Variants in GALNT5 observed in about 807,000 individuals in gnomAD.
The protein encoded by GALNT5 is UDP-GalNAc:polypeptide N-acetylgalactosaminyltransferase 5.
GALNT5 carries 72 observed loss-of-function variants against 85.4 expected under a neutral mutation model. The observed-to-expected ratio is 0.84, with a 90% confidence interval of 0.70 to 1.03. GALNT5 has a LOEUF of 1.03. Among genes scored for constraint, GALNT5 ranks in the 50% least tolerant of loss-of-function variants. GALNT5 has a pLI of 0.00. For missense variants in GALNT5, 1,137 were observed against 1,135.5 expected (o/e 1.00, Z -0.02); for synonymous variants, 404 against 397.0 (o/e 1.02, Z -0.21).
intron 7 of GALNT5, among the ~76,000 whole-genome samples, chr2:157,301,875 A>G (rs1351635349): frequency 6.6e-6 from 1 of 152,224 alleles, no homozygotes; most frequent in East Asian, 1.9e-4. Context: ...CAAAGGGAAG[A>G]AGCTAAGCCA....
Position 157,296,407 on chromosome 2 carries a change from G to A in GALNT5, c.1891G>A (p.Asp631Asn), listed in dbSNP as rs370944719. 1.2e-6 allele frequency: 2 copies of A among 1,609,490 alleles called. No individual in the cohort carries two copies. Among genetic ancestry groups the A allele is most frequent in the African/African-American group, 2.7e-5 (2 of 74,818 alleles). The change falls in exon 5 of 10, where the codon GAT becomes AAT. Residue 631 changes from aspartate to asparagine, a missense_variant. Asp to Asn is a conservative substitution (Grantham distance 23, BLOSUM62 1). Coordinates refer to ENST00000259056, the MANE Select transcript of GALNT5 (RefSeq NM_014568.3). Reference sequence around the variant, plus strand: ...TTCCTGGATTAGTTACATGACAGTGGATAACTTTCAAAGAGGCATCTTTGT... The same window carrying A: ...TTCCTGGATTAGTTACATGACAGTGAATAACTTTCAAAGAGGCATCTTTGT... ...NDKDMSYMTV[D>N]NFQRGIFVWP...
rs1481928444 is a variant in GALNT5, at chr2:157,284,350, T to C, written c.1523T>C (p.Val508Ala). The C allele has an allele frequency of 6.2e-7, 1 of 1,613,616 alleles. No homozygotes were observed. The highest frequency in any genetic ancestry group is 1.7e-5 in the Admixed American group (1 of 60,018). Reference protein sequence around the residue: ...TSVIMCFVDEVWSTLLRSVHS... With the variant: ...TSVIMCFVDEAWSTLLRSVHS... ...GTCATCATGTGCTTTGTGGATGAAG[T>C]GTGGTCCACTCTCCTGAGATCTGTT... is the stretch of plus-strand genomic sequence containing the variant. Residue 508 changes from valine (V) to alanine (A), a missense_variant, in exon 2 of 10, where the codon GTG becomes GCG. By Grantham distance (64) the Val-to-Ala change is moderately conservative. Coordinates refer to ENST00000259056, the MANE Select transcript of GALNT5 (RefSeq NM_014568.3).
rs1558885656 is a variant in GALNT5 at position 157,257,788 on chromosome 2, C to T, written c.-295C>T. 5.1e-6 allele frequency: 2 copies of T among 388,822 alleles called. No individual in the cohort carries two copies. Among genetic ancestry groups the T allele is most frequent in the Non-Finnish European group, 9.5e-6 (2 of 211,286 alleles). The allele number at this position is 388,822 out of a possible 1,614,324, so 24.1% of individuals were successfully genotyped here. On this transcript the variant is annotated 5_prime_UTR_variant, in exon 1 of 10. Transcript: ENST00000259056. ...AAGACAAGTGATATGTTGAACTGTT[C>T]GGTGGCTGGAATCAACTGCTCCTGG... is the stretch of plus-strand genomic sequence containing the variant.
intron 1 of GALNT5, among the ~76,000 whole-genome samples, chr2:157,268,275 C>G (rs1180810147): frequency 1.3e-5 from 2 of 152,108 alleles, no homozygotes; most frequent in African/African-American, 2.4e-5. Flanking sequence ...ACATTCAAAT[C>G]AGGTTAGTGG....
Position 157,308,636 on chromosome 2 carries a change from G to A in GALNT5, c.2590G>A (p.Asp864Asn), listed in dbSNP as rs2105171252. The part of the protein sequence containing the change: ...CGEWCIAPIP[D>N]KGAVRLHPCD... ...AGAATGGTGTATAGCCCCCATCCCT[G>A]ATAAAGGAGCCGTAAGGCTGCACCC... The change falls in exon 9 of 10, where the codon GAT (aspartate) becomes AAT (asparagine). Residue 864 changes from aspartate (D) to asparagine (N), a missense_variant. By Grantham distance (23) the Asp-to-Asn change is conservative. Transcript: ENST00000259056. 1.2e-6 allele frequency: 2 copies of A among 1,613,684 alleles called. No individual in the cohort carries two copies. The highest frequency in any genetic ancestry group is 1.7e-6 in the Non-Finnish European group (2 of 1,179,618).
chr2:157,295,706 T>G lies in GALNT5; in HGVS notation c.1785T>G (p.Val595=), dbSNP rs372579887. ...TFLDSHVECN[V]GWLEPLLERV... ...TAGATTCTCATGTGGAATGTAACGT[T>G]GGTTGGTTGGAACCTCTTCTGGAAA... The change falls in exon 4 of 10, where the codon GTT becomes GTG. Residue 595 remains valine, a synonymous_variant. Transcript: ENST00000259056. 8.7e-6 allele frequency: 14 copies of G among 1,612,554 alleles called. No homozygotes were observed. The African/African-American group carries it at 1.6e-4, about 18-fold the overall frequency.
chr2:157,305,851 C>T, intron 8 of GALNT5, 22 bp downstream of exon 8: 1 of 1,328,762 alleles, frequency 7.5e-7, no homozygotes, highest in Non-Finnish European at 1.1e-6. Flanking sequence ...TGTTTTCTAT[C>T]TCATGGTAGC....
At position 157,258,326 on chromosome 2, in the gene GALNT5, G is replaced by C. The variant is rs781374233; in HGVS notation, c.244G>C (p.Gly82Arg). The change falls in exon 1 of 10, where the codon GGG (glycine) becomes CGG (arginine). Residue 82 changes from glycine to arginine, a missense_variant. By Grantham distance (125) the Gly-to-Arg change is moderately radical (BLOSUM62 -2). Transcript: ENST00000259056. ...KEMKPPLRGH[G>R]KGAWGKENVR... ...GATGAAACCTCCCCTAAGGGGACAT[G>C]GGAAAGGGGCATGGGGCAAAGAGAA... The C allele has an allele frequency of 1.5e-5, 24 of 1,598,436 alleles. 1 individual carries two copies. The Middle Eastern group carries it at 1.2e-3, about 78-fold the overall frequency.
rs1422734712 is a variant in GALNT5 at position 157,314,682 on chromosome 2, T to C, written c.*3334T>C. On this transcript the variant is annotated 3_prime_UTR_variant, in exon 10 of 10. Coordinates refer to ENST00000259056, the MANE Select transcript of GALNT5 (RefSeq NM_014568.3). ...TTCATGAATGGCTTGTAATTATTTC[T>C]AGCAGGCACTCATGCAATAGAATAA... 1.3e-5 allele frequency among the ~76,000 whole-genome samples: 2 copies of C among 152,210 alleles called. No homozygotes were observed. Among genetic ancestry groups the C allele is most frequent in the African/African-American group, 4.8e-5 (2 of 41,458 alleles).
At chr2:157,297,952 TATC>T (rs759699520) in intron 5 of GALNT5, among the ~76,000 whole-genome samples, 6 of 152,220 alleles carry the variant, frequency 3.9e-5, no homozygotes, top group Non-Finnish European at 5.9e-5. Context: ...AAAGGTTACT[TATC>T]ATCTTGAGCC....
chr2:157,279,039 T>C (rs1370535814), intron 1 of GALNT5, among the ~76,000 whole-genome samples: 1 of 152,230 alleles, frequency 6.6e-6, no homozygotes, highest in Non-Finnish European at 1.5e-5. Flanking sequence ...TGCTATTCCT[T>C]TCTGTTTGTT....
intron 3 of GALNT5, among the ~76,000 whole-genome samples, chr2:157,289,388 G>C (rs954150111): frequency 1.3e-5 from 2 of 152,194 alleles, no homozygotes; most frequent in Admixed American, 1.3e-4. Context: ...ACAATGGCTT[G>C]TGTAGAAATA....
rs190552472 is a variant in GALNT5, at chr2:157,275,722, T to G, written c.1455-8560T>G. On this transcript the variant is annotated intron_variant, in intron 1 of 9. Coordinates refer to ENST00000259056, the MANE Select transcript of GALNT5 (RefSeq NM_014568.3). ...TTTGCTGGTCAGCTTAAGGAGATTT[T>G]GGGCTGAAACAATGGAGTTTTTTAA... is the stretch of plus-strand genomic sequence containing the variant. 8.5e-4 allele frequency among the ~76,000 whole-genome samples: 129 copies of G among 152,364 alleles called. 1 individual carries two copies. Among genetic ancestry groups the G allele is most frequent in the African/African-American group, 3.1e-3 (128 of 41,590 alleles).
intron 9 of GALNT5, 53 bp downstream of exon 9, chr2:157,308,781 A>AT: frequency 7.0e-7 from 1 of 1,426,446 alleles, no homozygotes; most frequent in Non-Finnish European, 9.7e-7. Flanking sequence ...TTTTGATCAA[A>AT]TAGGACATAA....
intron 3 of GALNT5, among the ~76,000 whole-genome samples, chr2:157,292,712 ATTT>A: frequency 6.8e-6 from 1 of 147,222 alleles, no homozygotes; most frequent in African/African-American, 2.5e-5. Context: ...TCGTATTATT[ATTT>A]TTTTTTTTTG....
chr2:157,275,836 G>T (rs1222779857), intron 1 of GALNT5, among the ~76,000 whole-genome samples: 5 of 152,056 alleles, frequency 3.3e-5, no homozygotes, highest in Non-Finnish European at 7.4e-5. Context: ...TTGCCAGATT[G>T]CCCTGGCCAT....
chr2:157,273,995 C>T (rs947703473), intron 1 of GALNT5, among the ~76,000 whole-genome samples: 1 of 151,904 alleles, frequency 6.6e-6, no homozygotes, highest in Non-Finnish European at 1.5e-5. Context: ...CCCTAAAAGG[C>T]CCCAGTGTGT....
At chr2:157,278,070 T>C (rs965320277) in intron 1 of GALNT5, among the ~76,000 whole-genome samples, 5 of 152,220 alleles carry the variant, frequency 3.3e-5, no homozygotes, top group Non-Finnish European at 5.9e-5. Context: ...TTATTTTTCC[T>C]TCACTCATGA....
chr2:157,299,533 CT>C lies in GALNT5; in HGVS notation c.1998-11del, dbSNP rs776442722. The C allele has an allele frequency of 6.4e-5, 97 of 1,508,012 alleles. No homozygotes were observed. In the East Asian group the frequency reaches 2.0e-3, roughly 31 times the overall value. 93.4% of individuals were successfully genotyped at this position (1,508,012 alleles called of 1,614,324 possible). On this transcript the variant is annotated splice_polypyrimidine_tract_variant and intron_variant, in intron 5 of 9. Coordinates refer to ENST00000259056, the MANE Select transcript of GALNT5 (RefSeq NM_014568.3). ...ATGAGATGCAAGTTTAAAAAACAAA[CT>C]TTTCTTTTTGTAGGTGCCCTGTCAT...
Sources: allele counts gnomAD v4.1 joint callset (sites outside exome capture counted in the v4.1 genomes callset), GRCh38; gene constraint gnomAD v4.1.1; transcripts MANE v1.5; gene names NCBI Gene and HGNC (gene_info 2026-07-23, HGNC 2026-07-21).